The following TUFT1 variants were observed in gnomAD, a reference collection of about 807,000 sequenced individuals.
The protein encoded by TUFT1 is tuftelin 1, also known as tuftelin.
Under a neutral mutation model 57.8 loss-of-function variants are expected in TUFT1, and 43 were observed. That is an observed-to-expected ratio of 0.74 (90% CI 0.58 to 0.96). TUFT1 has a LOEUF of 0.96. Ranked by LOEUF, TUFT1 falls within the 40% of genes least tolerant of loss-of-function variation. TUFT1 has a pLI of 0.00. For synonymous variants in TUFT1, 166 were observed against 176.7 expected (o/e 0.94, Z 0.48); for missense variants, 459 against 489.0 (o/e 0.94, Z 0.58).
chr1:151,551,689 TG>T (rs1665515799), intron 1 of TUFT1, among the ~76,000 whole-genome samples: 1 of 152,150 alleles, frequency 6.6e-6, no homozygotes, highest in Admixed American at 6.5e-5. Flanking sequence ...TGGCTTTGGA[TG>T]CCTTCTACAA....
At chr1:151,562,435 G>A (rs375028657) in intron 2 of TUFT1, 150 bp from the exon 3 acceptor site, 90 of 744,188 alleles carry the variant, frequency 1.2e-4, no homozygotes, top group Non-Finnish European at 1.7e-4. Flanking sequence ...GTTCGGAAAC[G>A]AATTTTTGGA....
rs1478792648 is a variant in TUFT1, at chr1:151,578,753, T to A, written c.851T>A (p.Leu284Ter). 6 of 1,581,916 alleles carry A rather than the reference T, an allele frequency of 3.8e-6. No homozygotes were observed. The highest frequency in any genetic ancestry group is 5.2e-6 in the Non-Finnish European group (6 of 1,162,642). The change falls in exon 10 of 13, where the codon TTG (leucine) becomes TAG (stop). Residue 284 changes from leucine (L) to a stop codon, truncating the protein, a stop_gained. Transcript: ENST00000368849. LOFTEE classifies it high-confidence loss of function. Reference sequence around the variant, plus strand: ...ACCCTGGAAAAGGAAGTGGCCGGGTTGCGGGAGAAGATCCACCACTTGGAT... The same window carrying A: ...ACCCTGGAAAAGGAAGTGGCCGGGTAGCGGGAGAAGATCCACCACTTGGAT... ...AATLEKEVAG[L>*]REKIHHLDDM...
At chr1:151,565,220 G>A (rs1666024755) in intron 5 of TUFT1, among the ~76,000 whole-genome samples, 1 of 152,194 alleles carries the variant, frequency 6.6e-6, no homozygotes, top group Non-Finnish European at 1.5e-5. Context: ...GAACAGATTG[G>A]GTAAGTCTTT....
chr1:151,565,868 C>G, intron 5 of TUFT1: 1 of 277,346 alleles, frequency 3.6e-6, no homozygotes. Flanking sequence ...CCCTACAAGA[C>G]TTTCAAGGCC....
chr1:151,582,259 C>T lies in TUFT1; in HGVS notation c.*552C>T, dbSNP rs939925316. Reference sequence around the variant, plus strand: ...CAGATAGTGGGGTTACCTGGCAAGGCCTGGTGAGAGCCAGTGAACCTAAGC... The same window carrying T: ...CAGATAGTGGGGTTACCTGGCAAGGTCTGGTGAGAGCCAGTGAACCTAAGC... On this transcript the variant is annotated 3_prime_UTR_variant, in exon 13 of 13. Coordinates refer to ENST00000368849, the MANE Select transcript of TUFT1 (RefSeq NM_020127.3). 2.2e-6 allele frequency: 1 copy of T among 454,840 alleles called. No individual in the cohort carries two copies. The highest frequency in any genetic ancestry group is 2.4e-5 in the Admixed American group (1 of 42,546). The allele number at this position is 454,840 out of a possible 1,614,324, so 28.2% of individuals were successfully genotyped here. A position where few individuals can be genotyped will look rare whatever the true frequency, so the allele number is the denominator to read the frequency against.
intron 8 of TUFT1, 137 bp downstream of exon 8, chr1:151,574,535 T>A (rs1666384878): frequency 1.7e-6 from 2 of 1,150,060 alleles, no homozygotes; most frequent in African/African-American, 3.1e-5. Flanking sequence ...CTTTGGCAGA[T>A]CCCTTGGAAT....
At chr1:151,547,253 G>T (rs1665369347) in intron 1 of TUFT1, among the ~76,000 whole-genome samples, 1 of 152,214 alleles carries the variant, frequency 6.6e-6, no homozygotes, top group Non-Finnish European at 1.5e-5. Context: ...TCTCCTCTGA[G>T]CGAGGAGAGT....
intron 7 of TUFT1, among the ~76,000 whole-genome samples, chr1:151,573,716 C>T (rs1439594839): frequency 6.6e-6 from 1 of 152,090 alleles, no homozygotes; most frequent in African/African-American, 2.4e-5. Context: ...TGCACTCCAG[C>T]CTGGGCAACA....
intron 1 of TUFT1, among the ~76,000 whole-genome samples, chr1:151,545,129 G>A (rs930642329): frequency 5.9e-5 from 9 of 152,040 alleles, no homozygotes; most frequent in African/African-American, 2.2e-4. Context: ...TGACCAACAT[G>A]GCAAAACCCC....
At chr1:151,558,777 T>C (rs949412122) in intron 1 of TUFT1, among the ~76,000 whole-genome samples, 4 of 148,578 alleles carry the variant, frequency 2.7e-5, no homozygotes, top group African/African-American at 9.8e-5. Context: ...GGGGAGATAG[T>C]GTCCTTTTTT....
At chr1:151,541,441 T>C (rs1665163559) in intron 1 of TUFT1, among the ~76,000 whole-genome samples, 1 of 152,102 alleles carries the variant, frequency 6.6e-6, no homozygotes, top group Non-Finnish European at 1.5e-5. Flanking sequence ...GTGTGTACTA[T>C]TTCATCAATT....
intron 1 of TUFT1, among the ~76,000 whole-genome samples, chr1:151,547,407 C>CA (rs1665374391): frequency 6.6e-6 from 1 of 152,226 alleles, no homozygotes; most frequent in Non-Finnish European, 1.5e-5. Flanking sequence ...AATTATGGTG[C>CA]ATGCCTCTTT....
intron 1 of TUFT1, 120 bp downstream of exon 1, chr1:151,540,546 C>T: frequency 8.9e-7 from 1 of 1,118,164 alleles, no homozygotes; most frequent in Non-Finnish European, 1.3e-6. Flanking sequence ...CGCGGTCAGC[C>T]CTGCGCGGCG....
In TUFT1 at chr1:151,561,465, G is replaced by GCACACACACACACACACACA. The variant is rs1186376621; in HGVS notation, c.61-625_61-624insACACACACACACACACACAC. 2.7e-5 allele frequency: 8 copies of GCACACACACACACACACACA among 295,348 alleles called. No individual in the cohort carries two copies. In the South Asian group the frequency reaches 5.7e-4, roughly 21 times the overall value. 18.3% of individuals were successfully genotyped at this position (295,348 alleles called of 1,614,324 possible). ...GGAGGTTGAGGCTGCAGTCATGCGC[G>GCACACACACACACACACACA]CGCGCGCGCACACACACACACACAC... On this transcript the variant is annotated intron_variant, in intron 1 of 12. Coordinates refer to ENST00000368849, the MANE Select transcript of TUFT1 (RefSeq NM_020127.3).
At position 151,574,911 on chromosome 1, in the gene TUFT1, G is replaced by A; in HGVS notation, c.724G>A (p.Glu242Lys). 6.4e-7 allele frequency: 1 copy of A among 1,566,968 alleles called. No homozygotes were observed. Among genetic ancestry groups the A allele is most frequent in the South Asian group, 1.2e-5 (1 of 84,938 alleles). The stretch of plus-strand genomic sequence containing the variant: ...AGATTTTCTTTTGTGGCCCACCCAG[G>A]AGCATCAGGCCTTACTGGCGAAAGT... ...LQRRLLGMET[E>K]HQALLAKVRE... is the part of the protein sequence containing the mutation. The change falls in exon 9 of 13, where the codon GAG becomes AAG. Residue 242 changes from glutamate (E) to lysine (K), a missense_variant and splice_region_variant. Glu to Lys is a moderately conservative substitution (Grantham distance 56). Transcript: ENST00000368849.
chr1:151,563,912 G>A lies in TUFT1; in HGVS notation c.246G>A (p.Leu82=), dbSNP rs771069835. 7.4e-6 allele frequency: 12 copies of A among 1,614,082 alleles called. No individual in the cohort carries two copies. The highest frequency in any genetic ancestry group is 1.0e-5 in the Non-Finnish European group (12 of 1,179,970). The part of the protein sequence containing the change: ...DGHEEIIKVY[L]KGRSGDKMIH... ...TGGTGTTCTTATTTCAGGTGTACTT[G>A]AAGGGGAGGTCTGGAGACAAGATGA... is the stretch of plus-strand genomic sequence containing the variant. Residue 82 remains leucine, a synonymous_variant, in exon 4 of 13, where the codon TTG becomes TTA. Transcript: ENST00000368849.
intron 11 of TUFT1, among the ~76,000 whole-genome samples, chr1:151,580,731 G>A (rs1414388982): frequency 6.7e-6 from 1 of 150,168 alleles, no homozygotes; most frequent in Non-Finnish European, 1.5e-5. Flanking sequence ...TGTCAGTGTT[G>A]TACAGAGTTA....
Position 151,564,569 on chromosome 1 carries a change from G to A in TUFT1, c.369G>A (p.Lys123=). Residue 123 remains lysine (K), a synonymous_variant, in exon 5 of 13, where the codon AAG becomes AAA. Coordinates refer to ENST00000368849, the MANE Select transcript of TUFT1 (RefSeq NM_020127.3). ...LQKLREDISS[K]LDRNLGDSLH... ...AGCTCCGGGAGGATATAAGTAGCAA[G>A]CTTGACAGGAACCTAGGAGATTCTC... 6.2e-7 allele frequency: 1 copy of A among 1,614,198 alleles called. No homozygotes were observed. The highest frequency in any genetic ancestry group is 8.5e-7 in the Non-Finnish European group (1 of 1,180,026).
intron 1 of TUFT1, chr1:151,557,987 C>T: frequency 2.3e-6 from 1 of 431,822 alleles, no homozygotes; most frequent in Non-Finnish European, 4.3e-6. Context: ...AGCAAAAAAA[C>T]TTAAAAAAAA....
Sources: allele counts gnomAD v4.1 joint callset (sites outside exome capture counted in the v4.1 genomes callset), GRCh38; gene constraint gnomAD v4.1.1; transcripts MANE v1.5; gene names NCBI Gene and HGNC (gene_info 2026-07-23, HGNC 2026-07-21).